Variants in LRRC7 observed in about 807,000 individuals in gnomAD.
LRRC7 encodes leucine rich repeat containing 7, also known as leucine-rich repeat-containing protein 7.
LRRC7 carries 23 observed loss-of-function variants against 175.7 expected under a neutral mutation model. The ratio of observed to expected loss-of-function variants is 0.13; its 90% CI spans 0.09 to 0.19. The LOEUF is 0.19. Among genes scored for constraint, LRRC7 ranks in the 10% least tolerant of loss-of-function variants. The pLI, the probability that LRRC7 is intolerant of heterozygous loss-of-function variation, is 1.00. For missense variants in LRRC7, 1,354 were observed against 1,904.7 expected, an observed-to-expected ratio of 0.71 and a Z score of 5.38; for synonymous variants, 685 against 680.9, an observed-to-expected ratio of 1.01 and a Z score of -0.09.
intron 3 of LRRC7, among the ~76,000 whole-genome samples, chr1:69,766,932 A>G (rs1032634876): frequency 7.2e-5 from 11 of 152,114 alleles, no homozygotes; most frequent in Non-Finnish European, 1.2e-4. Flanking sequence ...CAGTTTTACA[A>G]ATTCAGTTGT....
intron 1 of LRRC7, among the ~76,000 whole-genome samples, chr1:69,676,767 T>C (rs550743814): frequency 6.6e-6 from 1 of 152,152 alleles, no homozygotes; most frequent in South Asian, 2.1e-4. Context: ...TCTTGAAAAC[T>C]GGTACTTTTT....
At chr1:70,043,712 G>T (rs1660105705) in intron 21 of LRRC7, among the ~76,000 whole-genome samples, 1 of 152,182 alleles carries the variant, frequency 6.6e-6, no homozygotes, top group South Asian at 2.1e-4. Context: ...GTTAGCAGCA[G>T]ATGTAAAACA....
At position 69,953,130 on chromosome 1, in the gene LRRC7, C is replaced by T. The variant is rs545702550; in HGVS notation, c.711+21560C>T. Among the ~76,000 whole-genome samples, 13 of 151,886 alleles carry T rather than the reference C, an allele frequency of 8.6e-5. No homozygotes were observed. In the South Asian group the frequency reaches 2.7e-3, roughly 32 times the overall value. On this transcript the variant is annotated intron_variant, in intron 8 of 26. Transcript: ENST00000651989. ...ACCTTTCTGGAGTGTTTCCTTAAAT[C>T]CACCGCTACAAGGACAATTGTTCTT...
chr1:69,738,000 A>C (rs985546409), intron 2 of LRRC7, among the ~76,000 whole-genome samples: 13 of 152,002 alleles, frequency 8.6e-5, no homozygotes, highest in Non-Finnish European at 1.9e-4. Flanking sequence ...TGTGGACTCT[A>C]TTGCACTTGT....
intron 2 of LRRC7, among the ~76,000 whole-genome samples, chr1:69,753,499 T>C (rs1670074415): frequency 6.6e-6 from 1 of 152,038 alleles, no homozygotes; most frequent in Non-Finnish European, 1.5e-5. Context: ...ATGCACATCA[T>C]AGACTCACTA....
intron 1 of LRRC7, among the ~76,000 whole-genome samples, chr1:69,644,444 A>G (rs1654702479): frequency 6.6e-6 from 1 of 151,998 alleles, no homozygotes; most frequent in Non-Finnish European, 1.5e-5. Flanking sequence ...CTTATATTTT[A>G]CATTTTTCTG....
chr1:70,089,561 A>G (rs552062710), intron 24 of LRRC7, among the ~76,000 whole-genome samples, 166 bp from the exon 25 acceptor site: 1 of 152,342 alleles, frequency 6.6e-6, no homozygotes, highest in South Asian at 2.1e-4. Context: ...ATATAGAAAC[A>G]TTAAACATTT....
chr1:69,726,751 G>A (rs933129697), intron 2 of LRRC7, among the ~76,000 whole-genome samples: 5 of 151,696 alleles, frequency 3.3e-5, no homozygotes, highest in South Asian at 4.2e-4. Flanking sequence ...ATGTAAGAGG[G>A]CCAGAGTCAA....
rs192012881 is a variant in LRRC7, at chr1:69,691,905, C to T, written c.100+13427C>T. Among the ~76,000 whole-genome samples, 836 of 150,044 alleles carry T rather than the reference C, an allele frequency of 5.6e-3. 8 individuals are homozygous for T. The highest frequency in any genetic ancestry group is 0.019 in the African/African-American group (793 of 40,894). On this transcript the variant is annotated intron_variant, in intron 2 of 26. Transcript: ENST00000651989. ...GAGTTTAAAGGCATCCAATAGATAACTTTCATATTGCAAAACAATTTTGAA... is the reference window on the plus strand; with the variant it reads ...GAGTTTAAAGGCATCCAATAGATAATTTTCATATTGCAAAACAATTTTGAA...
chr1:69,588,687 G>A (rs1646499675), intron 1 of LRRC7, among the ~76,000 whole-genome samples: 1 of 151,950 alleles, frequency 6.6e-6, no homozygotes, highest in African/African-American at 2.4e-5. Context: ...TCACCATTTG[G>A]TCATAAGAAT....
At chr1:69,642,811 C>CATAG (rs142950544) in intron 1 of LRRC7, among the ~76,000 whole-genome samples, 59,932 of 147,030 alleles carry the variant, frequency 0.41, 12,093 homozygotes, top group South Asian at 0.42. Flanking sequence ...ACAGATGATA[C>CATAG]ATAGATAGAT....
chr1:70,115,819 T>G (rs1665812700), intron 26 of LRRC7, among the ~76,000 whole-genome samples: 4 of 152,006 alleles, frequency 2.6e-5, no homozygotes, highest in Admixed American at 2.6e-4. Context: ...TTTAAGAGCC[T>G]GATAAAACAT....
chr1:69,929,930 T>C lies in LRRC7; in HGVS notation c.648-1577T>C, dbSNP rs1647221618. Among the ~76,000 whole-genome samples, 4 of 152,260 alleles carry C rather than the reference T, an allele frequency of 2.6e-5. No homozygotes were observed. The South Asian group carries it at 8.3e-4, about 32-fold the overall frequency. On this transcript the variant is annotated intron_variant, in intron 7 of 26. Coordinates refer to ENST00000651989, the MANE Select transcript of LRRC7 (RefSeq NM_001370785.2). ...AGCCATACTGGTCTGCTAGGATGTC[T>C]TCAAGCAAGTAAAATGTCCCTGCTT...
At chr1:69,781,859 GA>G (rs1557720733) in intron 3 of LRRC7, among the ~76,000 whole-genome samples, 9 of 84,754 alleles carry the variant, frequency 1.1e-4, no homozygotes, top group East Asian at 4.7e-4. Flanking sequence ...GAGAAAGAAA[GA>G]GAAGGAAGGA....
At chr1:70,087,991 A>G (rs569521990) in intron 24 of LRRC7, among the ~76,000 whole-genome samples, 1 of 152,334 alleles carries the variant, frequency 6.6e-6, no homozygotes, top group South Asian at 2.1e-4. Context: ...GATTGAAGAT[A>G]GCTCACAATA....
chr1:69,753,803 A>T (rs1670110248), intron 2 of LRRC7, among the ~76,000 whole-genome samples: 1 of 152,080 alleles, frequency 6.6e-6, no homozygotes, highest in African/African-American at 2.4e-5. Context: ...ATATTGAGTG[A>T]GTAATTAAAA....
intron 3 of LRRC7, among the ~76,000 whole-genome samples, chr1:69,764,350 T>C (rs1671368072): frequency 6.6e-6 from 1 of 151,838 alleles, no homozygotes. Context: ...AAAAAACTTC[T>C]TGAAACTGAA....
intron 1 of LRRC7, among the ~76,000 whole-genome samples, chr1:69,582,203 A>G (rs1172110407): frequency 6.6e-6 from 1 of 152,232 alleles, no homozygotes; most frequent in Non-Finnish European, 1.5e-5. Context: ...TTAGCTGAAA[A>G]TAAAAGAAGT....
intron 5 of LRRC7, among the ~76,000 whole-genome samples, chr1:69,834,027 T>A (rs915208185): frequency 2.0e-5 from 3 of 152,098 alleles, no homozygotes; most frequent in Admixed American, 6.6e-5. Flanking sequence ...AATAAAAAAA[T>A]TAATATTCCT....
Sources: gnomAD v4.1 joint callset for allele counts (sites outside exome capture counted in the v4.1 genomes callset) on GRCh38, gnomAD v4.1.1 for gene constraint, MANE v1.5 for transcripts, NCBI Gene and HGNC (gene_info 2026-07-23, HGNC 2026-07-21) for gene names.